The following FLG2 variants were observed in gnomAD, a reference collection of about 807,000 sequenced individuals.
FLG2 encodes filaggrin-2.
Under a neutral mutation model 3.9 loss-of-function variants are expected in FLG2, and 7 were observed. The observed-to-expected ratio is 1.79, with a 90% CI of 1.02 to 3.36. The LOEUF is 3.36. Ranked by LOEUF, FLG2 falls within the 30% of genes most tolerant of loss-of-function variation. The probability of loss-of-function intolerance (pLI) is 0.00; values close to 1 mark genes in which losing one functional copy is unlikely to be tolerated. For missense variants in FLG2, 2,700 were observed against 2,809.4 expected, an observed-to-expected ratio of 0.96 and a Z score of 0.88; for synonymous variants, 1,031 against 1,056.1, an observed-to-expected ratio of 0.98 and a Z score of 0.46.
rs745994243 is a variant in FLG2, at chr1:152,355,291, C to A, written c.2495G>T (p.Gly832Val). The A allele has an allele frequency of 6.2e-7, 1 of 1,613,844 alleles. No individual in the cohort carries two copies. Among genetic ancestry groups the A allele is most frequent in the Admixed American group, 1.7e-5 (1 of 59,998 alleles). The change falls in exon 3 of 3, where the codon GGC (glycine) becomes GTC (valine). Residue 832 changes from glycine (G) to valine (V), a missense_variant. Gly to Val is a moderately radical substitution (Grantham distance 109). Transcript: ENST00000388718. ...TGATCTAGACTCATGCTGTCCAAAGCCAGAGGATTGTCCTGAGCCAGACCC... is the reference window on the plus strand; with the variant it reads ...TGATCTAGACTCATGCTGTCCAAAGACAGAGGATTGTCCTGAGCCAGACCC... ...QHGSGSGQSS[G>V]FGQHESRSHQ...
In FLG2 at chr1:152,354,393, A is replaced by G. The variant is rs755722317; in HGVS notation, c.3393T>C (p.His1131=). 7.9e-5 allele frequency: 128 copies of G among 1,613,870 alleles called. No individual in the cohort carries two copies. Among genetic ancestry groups the G allele is most frequent in the Non-Finnish European group, 1.0e-5 (12 of 1,180,008 alleles). ...GSGQSSGFGQ[H]GSGTGKSSGF... ...CAGAGGATTTACCTGTGCCTGACCC[A>G]TGTTGTCCAAAGCCAGAAGACTGAC... Residue 1131 remains histidine, a synonymous_variant, in exon 3 of 3, where the codon CAT becomes CAC. Transcript: ENST00000388718.
At position 152,354,453 on chromosome 1, in the gene FLG2, C is replaced by A. The variant is rs371867108; in HGVS notation, c.3333G>T (p.Gln1111His). 32 of 1,613,398 alleles carry A rather than the reference C, an allele frequency of 2.0e-5. No homozygotes were observed. The African/African-American group carries it at 3.7e-4, about 19-fold the overall frequency. The part of the protein sequence containing the change: ...GFGQHRPGSG[Q>H]SSGFGQYGSG... ...ATCCATATTGGCCAAAGCCAGAGGA[C>A]TGACCTGAGCCTGGCCTGTGTTGTC... The change falls in exon 3 of 3, where the codon CAG (glutamine) becomes CAT (histidine). Residue 1111 changes from glutamine (Q) to histidine (H), a missense_variant. Physicochemically the swap from Gln to His is conservative, Grantham distance 24. Coordinates refer to ENST00000388718, the MANE Select transcript of FLG2 (RefSeq NM_001014342.3).
At chr1:152,359,336 T>A (rs1024011174) in intron 1 of FLG2, among the ~76,000 whole-genome samples, 1 of 152,184 alleles carries the variant, frequency 6.6e-6, no homozygotes, top group Non-Finnish European at 1.5e-5. Context: ...CCTTCCACCA[T>A]GCACATCTGT....
chr1:152,350,831 C>G lies in FLG2; in HGVS notation c.6955G>C (p.Gly2319Arg), dbSNP rs1406921872. The change falls in exon 3 of 3, where the codon GGT becomes CGT. Residue 2319 changes from glycine (G) to arginine (R), a missense_variant. Transcript: ENST00000388718. The part of the protein sequence containing the change: ...HSGYGQSTQT[G>R]SRSSRASHFQ... ...TGACTTGCTCTACTAGATCTGGAAC[C>G]TGTCTGTGTGGATTGTCCATAACCA... 1.9e-6 allele frequency: 3 copies of G among 1,614,192 alleles called. No homozygotes were observed. Among genetic ancestry groups the G allele is most frequent in the Non-Finnish European group, 2.5e-6 (3 of 1,180,034 alleles).
chr1:152,353,837 G>A lies in FLG2; in HGVS notation c.3949C>T (p.Gln1317Ter), dbSNP rs1278956605. Residue 1317 changes from glutamine (Q) to a stop codon, truncating the protein, a stop_gained, in exon 3 of 3, where the codon CAG (glutamine) becomes TAG (stop). Transcript: ENST00000388718. LOFTEE classifies it low-confidence loss of function (END_TRUNC). ...VRRRQGTTHG[Q>*]RGDTTRHGHS... is the part of the protein sequence containing the mutation. ...CCATGTCTAGTGGTATCTCCTCTCTGTCCATGAGTAGTTCCTTGTCTTCTG... is the reference window on the plus strand; with the variant it reads ...CCATGTCTAGTGGTATCTCCTCTCTATCCATGAGTAGTTCCTTGTCTTCTG... 1.2e-6 allele frequency: 2 copies of A among 1,613,994 alleles called. No individual in the cohort carries two copies. Among genetic ancestry groups the A allele is most frequent in the African/African-American group, 2.7e-5 (2 of 74,908 alleles).
rs1250878322 is a variant in FLG2 at position 152,353,324 on chromosome 1, G to A, written c.4462C>T (p.Gln1488Ter). The change falls in exon 3 of 3, where the codon CAG becomes TAG. Residue 1488 changes from glutamine (Q) to a stop codon, truncating the protein, a stop_gained. Coordinates refer to ENST00000388718, the MANE Select transcript of FLG2 (RefSeq NM_001014342.3). LOFTEE classifies it low-confidence loss of function (END_TRUNC). ...HAHYHHGKSTQRGSSTTGRRG... is the reference protein window; with the variant it reads ...HAHYHHGKST ...CTTCCAGTTGTACTGGACCCTCTCT[G>A]TGTGGATTTTCCATGATGATAGTGG... The A allele has an allele frequency of 1.2e-6, 2 of 1,612,966 alleles. No individual in the cohort carries two copies.
rs1252013913 is a variant in FLG2 at position 152,349,286 on chromosome 1, A to G, written c.*1324T>C. 2.6e-5 allele frequency: 4 copies of G among 152,250 alleles called. No homozygotes were observed. Among genetic ancestry groups the G allele is most frequent in the Non-Finnish European group, 4.4e-5 (3 of 68,128 alleles). 9.4% of individuals were successfully genotyped at this position (152,250 alleles called of 1,614,324 possible). On this transcript the variant is annotated 3_prime_UTR_variant, in exon 3 of 3. Coordinates refer to ENST00000388718, the MANE Select transcript of FLG2 (RefSeq NM_001014342.3). ...CTCAGCCTCCTGAGTAGCTAGGATTACAGGTGCCCGCTACTGCACCCAGCT... is the reference window on the plus strand; with the variant it reads ...CTCAGCCTCCTGAGTAGCTAGGATTGCAGGTGCCCGCTACTGCACCCAGCT...
chr1:152,350,640 G>C lies in FLG2; in HGVS notation c.7146C>G (p.Ser2382Arg). ...SNSHLSWSTDSTANKQLSRH is the reference protein window; with the variant it reads ...SNSHLSWSTDRTANKQLSRH ...GTCTAGACAGTTGCTTGTTTGCAGT[G>C]CTGTCTGTTGACCATGAAAGGTGAG... The change falls in exon 3 of 3, where the codon AGC becomes AGG. Residue 2382 changes from serine to arginine, a missense_variant. Coordinates refer to ENST00000388718, the MANE Select transcript of FLG2 (RefSeq NM_001014342.3). 6.2e-7 allele frequency: 1 copy of C among 1,614,036 alleles called. No homozygotes were observed. Among genetic ancestry groups the C allele is most frequent in the Non-Finnish European group, 8.5e-7 (1 of 1,179,948 alleles).
chr1:152,353,095 G>A lies in FLG2; in HGVS notation c.4691C>T (p.Thr1564Ile), dbSNP rs753732309. Residue 1564 changes from threonine (T) to isoleucine (I), a missense_variant, in exon 3 of 3, where the codon ACA becomes ATA. Coordinates refer to ENST00000388718, the MANE Select transcript of FLG2 (RefSeq NM_001014342.3). ...CTGTCTTCCAGTTGTCCTGGACCCT[G>A]TCTGTGTGGTTTGTTCATGACCAGA... is the stretch of plus-strand genomic sequence containing the variant. ...SYSGHEQTTQ[T>I]GSRTTGRQRT... 35 of 1,609,460 alleles carry A rather than the reference G, an allele frequency of 2.2e-5. No homozygotes were observed. The highest frequency in any genetic ancestry group is 2.8e-5 in the Non-Finnish European group (33 of 1,178,752).
chr1:152,353,569 T>A lies in FLG2; in HGVS notation c.4217A>T (p.His1406Leu), dbSNP rs781140051. 2 of 1,614,132 alleles carry A rather than the reference T, an allele frequency of 1.2e-6. No homozygotes were observed. Among genetic ancestry groups the A allele is most frequent in the South Asian group, 1.1e-5 (1 of 91,066 alleles). ...GEATGHGHSGHGQSTQRGSRT... is the reference protein window; with the variant it reads ...GEATGHGHSGLGQSTQRGSRT... Reference sequence around the variant, plus strand: ...GGACCCTCTCTGTGTGGACTGTCCATGACCAGAGTGGCCATGTCCAGTGGC... The same window carrying A: ...GGACCCTCTCTGTGTGGACTGTCCAAGACCAGAGTGGCCATGTCCAGTGGC... The change falls in exon 3 of 3, where the codon CAT becomes CTT. Residue 1406 changes from histidine (H) to leucine (L), a missense_variant. His to Leu is a moderately conservative substitution (Grantham distance 99). Transcript: ENST00000388718.
In FLG2 at chr1:152,355,131, T is replaced by A; in HGVS notation, c.2655A>T (p.Gly885=). The stretch of plus-strand genomic sequence containing the variant: ...ACTGACCTGAGCCTGATCCATGTTG[T>A]CCAAAGCCAGAGTATTGACCTGAGC... ...RSSSGQYSGF[G]QHGSGSGQSS... Residue 885 remains glycine (G), a synonymous_variant, in exon 3 of 3, where the codon GGA becomes GGT. Coordinates refer to ENST00000388718, the MANE Select transcript of FLG2 (RefSeq NM_001014342.3). The A allele has an allele frequency of 2.6e-6, 4 of 1,541,596 alleles. 2 individuals carry two copies. The highest frequency in any genetic ancestry group is 2.4e-5 in the South Asian group (2 of 82,554).
chr1:152,350,978 T>C lies in FLG2; in HGVS notation c.6808A>G (p.Thr2270Ala). The C allele has an allele frequency of 6.2e-7, 1 of 1,614,056 alleles. No homozygotes were observed. Among genetic ancestry groups the C allele is most frequent in the Non-Finnish European group, 8.5e-7 (1 of 1,179,970 alleles). ...TGGCCCTGAATGTGTCCTGAATGTGTGTGTGAGCCCCATGAGTGCACTTCA... is the reference window on the plus strand; with the variant it reads ...TGGCCCTGAATGTGTCCTGAATGTGCGTGTGAGCCCCATGAGTGCACTTCA... ...DSEVHSWGSH[T>A]HSGHIQGQAG... The change falls in exon 3 of 3, where the codon ACA (threonine) becomes GCA (alanine). Residue 2270 changes from threonine (T) to alanine (A), a missense_variant. Physicochemically the swap from Thr to Ala is moderately conservative, Grantham distance 58 (BLOSUM62 0). Coordinates refer to ENST00000388718, the MANE Select transcript of FLG2 (RefSeq NM_001014342.3).
chr1:152,351,401 C>A lies in FLG2; in HGVS notation c.6385G>T (p.Ala2129Ser). 1.2e-6 allele frequency: 2 copies of A among 1,613,598 alleles called. No homozygotes were observed. Among genetic ancestry groups the A allele is most frequent in the African/African-American group, 2.7e-5 (2 of 74,882 alleles). ...CCTGACTCTCCATGTTGAGATCTGG[C>A]TTGGCCATAAGTGTGTCCTGAATGT... ...HTHSGHTYGQARSQHGESGSA... is the reference protein window; with the variant it reads ...HTHSGHTYGQSRSQHGESGSA... Residue 2129 changes from alanine to serine, a missense_variant, in exon 3 of 3, where the codon GCC becomes TCC. By Grantham distance (99) the Ala-to-Ser change is moderately conservative. Transcript: ENST00000388718.
chr1:152,357,666 C>T lies in FLG2; in HGVS notation c.139-19G>A, dbSNP rs1205904010. On this transcript the variant is annotated intron_variant, in intron 2 of 2. Coordinates refer to ENST00000388718, the MANE Select transcript of FLG2 (RefSeq NM_001014342.3). ...CTGGGTTCTGTATATGAGTGACACACCAAGGGAGACCTGGTCAGCCTAACC... is the reference window on the plus strand; with the variant it reads ...CTGGGTTCTGTATATGAGTGACACATCAAGGGAGACCTGGTCAGCCTAACC... 2 of 1,576,868 alleles carry T rather than the reference C, an allele frequency of 1.3e-6. No homozygotes were observed. The highest frequency in any genetic ancestry group is 2.2e-5 in the East Asian group (1 of 44,608).
At position 152,353,449 on chromosome 1, in the gene FLG2, G is replaced by A. The variant is rs1015695920; in HGVS notation, c.4337C>T (p.Thr1446Ile). Residue 1446 changes from threonine to isoleucine, a missense_variant, in exon 3 of 3, where the codon ACT becomes ATT. Thr to Ile is a moderately conservative substitution (Grantham distance 89). Transcript: ENST00000388718. ...ATGTTGAGATCCGGCTTGGCCATGA[G>A]TTTGTTCTTGTGATTGTGGTCTGTG... ...GSHRPQSQEQ[T>I]HGQAGSQHGE... 1 of 1,609,164 alleles carries A rather than the reference G, an allele frequency of 6.2e-7. No homozygotes were observed. The highest frequency in any genetic ancestry group is 8.5e-7 in the Non-Finnish European group (1 of 1,178,850).
chr1:152,353,240 T>C lies in FLG2; in HGVS notation c.4546A>G (p.Thr1516Ala), dbSNP rs368620048. Residue 1516 changes from threonine (T) to alanine (A), a missense_variant, in exon 3 of 3, where the codon ACA (threonine) becomes GCA (alanine). By Grantham distance (58) the Thr-to-Ala change is moderately conservative (BLOSUM62 0). Coordinates refer to ENST00000388718, the MANE Select transcript of FLG2 (RefSeq NM_001014342.3). ...DSEVHSGGSHTHSGHTHGQSG... is the reference protein window; with the variant it reads ...DSEVHSGGSHAHSGHTHGQSG... ...TGGCCGTGAGTGTGTCCTGAATGTG[T>C]GTGCGAGCCCCCTGAGTGCACTTCA... 1.3e-6 allele frequency: 2 copies of C among 1,568,276 alleles called. No individual in the cohort carries two copies. Among genetic ancestry groups the C allele is most frequent in the South Asian group, 2.3e-5 (2 of 85,982 alleles).
rs1654092943 is a variant in FLG2 at position 152,354,092 on chromosome 1, C to T, written c.3694G>A (p.Val1232Ile). Residue 1232 changes from valine to isoleucine, a missense_variant, in exon 3 of 3, where the codon GTT becomes ATT. Physicochemically the swap from Val to Ile is conservative, Grantham distance 29. Transcript: ENST00000388718. ...TGAGTAGTTTCCTGTCTCCCATGAA[C>T]TGTGGATCCTGACTCTACTTGTTGA... is the stretch of plus-strand genomic sequence containing the variant. Reference protein sequence around the residue: ...ESQQVESGSTVHGRQETTHGQ... With the variant: ...ESQQVESGSTIHGRQETTHGQ... 3 of 1,614,256 alleles carry T rather than the reference C, an allele frequency of 1.9e-6. No individual in the cohort carries two copies. Among genetic ancestry groups the T allele is most frequent in the Non-Finnish European group, 2.5e-6 (3 of 1,180,040 alleles).
chr1:152,350,979 G>A lies in FLG2; in HGVS notation c.6807C>T (p.His2269=), dbSNP rs1335276905. The A allele has an allele frequency of 1.2e-6, 2 of 1,613,958 alleles. No individual in the cohort carries two copies. Among genetic ancestry groups the A allele is most frequent in the South Asian group, 2.2e-5 (2 of 91,050 alleles). The change falls in exon 3 of 3, where the codon CAC becomes CAT. Residue 2269 remains histidine, a synonymous_variant. Coordinates refer to ENST00000388718, the MANE Select transcript of FLG2 (RefSeq NM_001014342.3). ...SDSEVHSWGS[H]THSGHIQGQA... Reference sequence around the variant, plus strand: ...GGCCCTGAATGTGTCCTGAATGTGTGTGTGAGCCCCATGAGTGCACTTCAC... The same window carrying A: ...GGCCCTGAATGTGTCCTGAATGTGTATGTGAGCCCCATGAGTGCACTTCAC...
chr1:152,357,964 A>G (rs1250513520), intron 2 of FLG2, among the ~76,000 whole-genome samples: 1 of 152,106 alleles, frequency 6.6e-6, no homozygotes, highest in Non-Finnish European at 1.5e-5. Context: ...TGTAACTATT[A>G]CATGTTAATA....
Sources: allele counts gnomAD v4.1 joint callset (sites outside exome capture counted in the v4.1 genomes callset), GRCh38; gene constraint gnomAD v4.1.1; transcripts MANE v1.5; gene names NCBI Gene and HGNC (gene_info 2026-07-23, HGNC 2026-07-21).